Variants in ADCY2 observed in about 807,000 individuals in gnomAD.
The protein encoded by ADCY2 is adenylate cyclase 2, also known as adenylate cyclase type 2.
ADCY2 carries 31 observed loss-of-function variants against 125.2 expected under a neutral mutation model. The ratio of observed to expected loss-of-function variants is 0.25; its 90% confidence interval spans 0.19 to 0.33. The LOEUF (loss-of-function observed/expected upper bound fraction) is 0.33. ADCY2 is among the 10% of genes least tolerant of loss of function. The pLI is 1.00. For synonymous variants in ADCY2, 512 were observed against 548.4 expected (o/e 0.93, Z 0.93); for missense variants, 904 against 1,418.2 (o/e 0.64, Z 5.82).
intron 3 of ADCY2, among the ~76,000 whole-genome samples, chr5:7,540,771 C>T (rs2173701): frequency 0.24 from 36,765 of 152,128 alleles, 4,658 homozygotes; most frequent in African/African-American, 0.32. Flanking sequence ...CTCTTTATTT[C>T]ACTAAAGCAT....
At chr5:7,435,461 A>G (rs1180188011) in intron 2 of ADCY2, among the ~76,000 whole-genome samples, 1 of 152,176 alleles carries the variant, frequency 6.6e-6, no homozygotes, top group Non-Finnish European at 1.5e-5. Context: ...AATGCCCAGC[A>G]AGTTCTAGAT....
chr5:7,503,714 C>T (rs1743686757), intron 2 of ADCY2, among the ~76,000 whole-genome samples: 1 of 152,172 alleles, frequency 6.6e-6, no homozygotes. Context: ...GCATGGCCCA[C>T]GCAGCTGTGG....
chr5:7,484,332 G>A (rs2126478300), intron 2 of ADCY2, among the ~76,000 whole-genome samples: 1 of 152,250 alleles, frequency 6.6e-6, no homozygotes, highest in Middle Eastern at 3.4e-3. Context: ...CCAATTTGCA[G>A]GACCTACAAG....
intron 23 of ADCY2, among the ~76,000 whole-genome samples, 165 bp downstream of exon 23, chr5:7,817,145 G>GAA (rs57771304): frequency 3.4e-4 from 50 of 145,658 alleles, no homozygotes; most frequent in African/African-American, 1.2e-3. Flanking sequence ...GAACAAATTA[G>GAA]AAAAAAAAAA....
At chr5:7,824,093 T>C (rs1355646720) in intron 24 of ADCY2, among the ~76,000 whole-genome samples, 3 of 152,144 alleles carry the variant, frequency 2.0e-5, no homozygotes, top group Non-Finnish European at 4.4e-5. Flanking sequence ...AGCTCTCTTT[T>C]CCATTTATGT....
chr5:7,776,592 G>A (rs1025446876), intron 18 of ADCY2, among the ~76,000 whole-genome samples: 6 of 152,128 alleles, frequency 3.9e-5, no homozygotes, highest in Non-Finnish European at 7.4e-5. Flanking sequence ...ATTGAAGGAT[G>A]TCTAGGTAGC....
At chr5:7,412,148 T>C (rs1053083345) in intron 1 of ADCY2, among the ~76,000 whole-genome samples, 5 of 152,210 alleles carry the variant, frequency 3.3e-5, no homozygotes, top group Admixed American at 6.5e-5. Flanking sequence ...GGAAGGACTA[T>C]ATCAGCATCT....
chr5:7,681,640 C>T (rs1236166732), intron 4 of ADCY2, among the ~76,000 whole-genome samples: 1 of 152,212 alleles, frequency 6.6e-6, no homozygotes, highest in African/African-American at 2.4e-5. Context: ...TGGGCACCAA[C>T]TCTCACCCAG....
intron 15 of ADCY2, among the ~76,000 whole-genome samples, chr5:7,754,043 C>T (rs751363446): frequency 8.5e-5 from 13 of 152,130 alleles, no homozygotes; most frequent in African/African-American, 1.9e-4. Flanking sequence ...TTGAACCAAG[C>T]GCATCCTGAA....
chr5:7,745,927 C>A (rs530472890), intron 15 of ADCY2, among the ~76,000 whole-genome samples: 1 of 152,150 alleles, frequency 6.6e-6, no homozygotes, highest in Non-Finnish European at 1.5e-5. Context: ...ATCTCAGGAA[C>A]AACTCTGCTG....
chr5:7,671,313 C>A lies in ADCY2; in HGVS notation c.721-19378C>A, dbSNP rs921643619. Among the ~76,000 whole-genome samples, 3 of 152,088 alleles carry A rather than the reference C, an allele frequency of 2.0e-5. No homozygotes were observed. The South Asian group carries it at 6.2e-4, about 32-fold the overall frequency. ...AACTTTTTCAGCTGGTTATTTGGGG[C>A]ATTTCACTACTAATTTTGGCAATTT... On this transcript the variant is annotated intron_variant, in intron 4 of 24. Coordinates refer to ENST00000338316, the MANE Select transcript of ADCY2 (RefSeq NM_020546.3).
At chr5:7,791,778 A>G (rs1306685906) in intron 20 of ADCY2, among the ~76,000 whole-genome samples, 1 of 152,116 alleles carries the variant, frequency 6.6e-6, no homozygotes. Context: ...ACAGAGATGA[A>G]TGGGATTAGA....
At chr5:7,702,403 G>C (rs1019152193) in intron 7 of ADCY2, among the ~76,000 whole-genome samples, 19 of 147,076 alleles carry the variant, frequency 1.3e-4, no homozygotes, top group Non-Finnish European at 2.1e-4. Flanking sequence ...GACAGGCCCC[G>C]GTATGTGATG....
intron 4 of ADCY2, chr5:7,685,369 C>T (rs1488478315): frequency 6.6e-6 from 1 of 152,208 alleles, no homozygotes; most frequent in East Asian, 1.9e-4. Context: ...CCCAACAGAC[C>T]TATTGTCCAG....
chr5:7,548,503 G>T (rs2126570424), intron 3 of ADCY2, among the ~76,000 whole-genome samples: 1 of 152,238 alleles, frequency 6.6e-6, no homozygotes, highest in Non-Finnish European at 1.5e-5. Flanking sequence ...AGAACAGCTG[G>T]CAGAGTGAGC....
At chr5:7,611,154 G>A (rs1288429733) in intron 3 of ADCY2, 1 of 152,096 alleles carries the variant, frequency 6.6e-6, no homozygotes, top group African/African-American at 2.4e-5. Context: ...GAGTTATGAG[G>A]ACACTCTCTC....
chr5:7,716,855 T>C (rs1741608421), intron 11 of ADCY2, among the ~76,000 whole-genome samples: 1 of 152,150 alleles, frequency 6.6e-6, no homozygotes, highest in African/African-American at 2.4e-5. Flanking sequence ...CAAACTTTAG[T>C]TGGATAAACA....
At chr5:7,539,623 A>T (rs2126558523) in intron 3 of ADCY2, among the ~76,000 whole-genome samples, 1 of 152,364 alleles carries the variant, frequency 6.6e-6, no homozygotes, top group Middle Eastern at 3.4e-3. Context: ...TGAGATTATG[A>T]GCAGCAATGG....
intron 3 of ADCY2, among the ~76,000 whole-genome samples, chr5:7,540,498 G>A (rs1012259088): frequency 1.6e-4 from 25 of 152,144 alleles, no homozygotes; most frequent in Admixed American, 1.3e-3. Flanking sequence ...AACATCCTCT[G>A]CTGGATTTTA....
Sources: gnomAD v4.1 joint callset for allele counts (sites outside exome capture counted in the v4.1 genomes callset) on GRCh38, gnomAD v4.1.1 for gene constraint, MANE v1.5 for transcripts, NCBI Gene and HGNC (gene_info 2026-07-23, HGNC 2026-07-21) for gene names.